Variants in ICE2 observed in about 807,000 individuals in gnomAD.
The protein encoded by ICE2 is interactor of little elongation complex ELL subunit 2.
ICE2 carries 87 observed loss-of-function variants against 105.4 expected under a neutral mutation model. The ratio of observed to expected loss-of-function variants is 0.83; its 90% CI spans 0.69 to 0.99. ICE2 has a LOEUF of 0.99. Among genes scored for constraint, ICE2 ranks in the 50% least tolerant of loss-of-function variants. ICE2 has a pLI of 0.00. For synonymous variants in ICE2, 399 were observed against 392.0 expected, an observed-to-expected ratio of 1.02 and a Z score of -0.21; for missense variants, 1,323 against 1,146.7, an observed-to-expected ratio of 1.15 and a Z score of -2.22.
intron 1 of ICE2, chr15:60,478,759 G>A (rs867697144): frequency 1.3e-4 from 47 of 353,504 alleles, no homozygotes; most frequent in South Asian, 9.5e-4. Context: ...GAGCTGGGGG[G>A]GAATAGTCGA....
chr15:60,463,349 TTAATA>T (rs1298555165), intron 5 of ICE2, among the ~76,000 whole-genome samples: 1 of 152,148 alleles, frequency 6.6e-6, no homozygotes, highest in East Asian at 1.9e-4. Context: ...TTGTAATTTA[TTAATA>T]TAATGGAAAA....
At position 60,428,668 on chromosome 15, in the gene ICE2, A is replaced by C; in HGVS notation, c.2581T>G (p.Leu861Val). The C allele has an allele frequency of 6.2e-7, 1 of 1,613,938 alleles. No homozygotes were observed. The highest frequency in any genetic ancestry group is 1.7e-4 in the Middle Eastern group (1 of 6,060). The change falls in exon 15 of 16, where the codon TTG becomes GTG. Residue 861 changes from leucine to valine, a missense_variant. Coordinates refer to ENST00000261520, the MANE Select transcript of ICE2 (RefSeq NM_024611.6). The part of the protein sequence containing the change: ...KLSSLQEGSY[L>V]LSHAAEDSSL... ...GAATCTTCTGCTGCATGAGATAACA[A>C]GTAGGAACCCTCCTGCAAGCTAAAT... is the stretch of plus-strand genomic sequence containing the variant.
intron 11 of ICE2, 137 bp from the exon 12 acceptor site, chr15:60,442,682 A>C: frequency 1.6e-6 from 1 of 641,588 alleles, no homozygotes; most frequent in Non-Finnish European, 2.6e-6. Flanking sequence ...AGCAGGATTC[A>C]CACTGTAAGA....
intron 5 of ICE2, among the ~76,000 whole-genome samples, chr15:60,465,762 T>C (rs2064407427): frequency 6.7e-6 from 1 of 150,138 alleles, no homozygotes; most frequent in Non-Finnish European, 1.5e-5. Flanking sequence ...TTTTTTTTTT[T>C]TTTTTTGAGA....
chr15:60,452,104 T>C (rs2063980487), intron 9 of ICE2: 2 of 985,344 alleles, frequency 2.0e-6, no homozygotes, highest in Non-Finnish European at 2.4e-6. Flanking sequence ...TTCTTCTTGT[T>C]ACTGCCTGAC....
At chr15:60,445,607 T>C (rs1314286133) in intron 11 of ICE2, 1 of 971,606 alleles carries the variant, frequency 1.0e-6, no homozygotes, top group Non-Finnish European at 1.2e-6. Context: ...TTGACATATT[T>C]TGATGAAGAA....
chr15:60,433,236 C>T (rs1342575584), intron 13 of ICE2, among the ~76,000 whole-genome samples: 4 of 151,638 alleles, frequency 2.6e-5, no homozygotes, highest in Non-Finnish European at 5.9e-5. Flanking sequence ...TACAGGTGCC[C>T]GCCACCACGC....
Position 60,449,239 on chromosome 15 carries a change from C to G in ICE2, c.1728G>C (p.Glu576Asp). 1.2e-6 allele frequency: 2 copies of G among 1,613,930 alleles called. No homozygotes were observed. Among genetic ancestry groups the G allele is most frequent in the Non-Finnish European group, 1.7e-6 (2 of 1,180,012 alleles). ...TVLCSSDTDEECLIIDTECKN... is the reference protein window; with the variant it reads ...TVLCSSDTDEDCLIIDTECKN... ...TACATTCTGTATCAATGATTAAACA[C>G]TCCTCATCTGTATCACTGCTGCAGA... is the stretch of plus-strand genomic sequence containing the variant. The change falls in exon 10 of 16, where the codon GAG (glutamate) becomes GAC (aspartate). Residue 576 changes from glutamate to aspartate, a missense_variant. Glu to Asp is a conservative substitution (Grantham distance 45). Coordinates refer to ENST00000261520, the MANE Select transcript of ICE2 (RefSeq NM_024611.6).
intron 14 of ICE2, among the ~76,000 whole-genome samples, chr15:60,429,389 C>G (rs1479791231): frequency 6.6e-6 from 1 of 152,120 alleles, no homozygotes; most frequent in African/African-American, 2.4e-5. Flanking sequence ...TAGATATAAA[C>G]CCAGGCATTT....
chr15:60,426,689 C>T (rs1330137830), intron 15 of ICE2, among the ~76,000 whole-genome samples: 2 of 152,166 alleles, frequency 1.3e-5, no homozygotes, highest in Non-Finnish European at 2.9e-5. Context: ...ACACCTTGCA[C>T]ACACATAATA....
chr15:60,456,750 T>G lies in ICE2; in HGVS notation c.573A>C (p.Glu191Asp). 1 of 1,543,024 alleles carries G rather than the reference T, an allele frequency of 6.5e-7. No individual in the cohort carries two copies. Among genetic ancestry groups the G allele is most frequent in the Non-Finnish European group, 8.7e-7 (1 of 1,145,326 alleles). ...ACIEQVKKYS[E>D]FYTLHEVTSL... is the part of the protein sequence containing the mutation. ...TGGTGACCTCGTGGAGAGTATAGAA[T>G]TCTGAATACTTTTTCACTTGTTCAA... Residue 191 changes from glutamate to aspartate, a missense_variant, in exon 6 of 16, where the codon GAA becomes GAC. Physicochemically the swap from Glu to Asp is conservative, Grantham distance 45. Transcript: ENST00000261520.
chr15:60,453,646 G>A lies in ICE2; in HGVS notation c.1082C>T (p.Ala361Val). The change falls in exon 9 of 16, where the codon GCA becomes GTA. Residue 361 changes from alanine (A) to valine (V), a missense_variant. Coordinates refer to ENST00000261520, the MANE Select transcript of ICE2 (RefSeq NM_024611.6). ...CTCTTCAGGTTTGTCCATAAAGACTGCAGAGACTGGAACAGATGTGTTTTT... is the reference window on the plus strand; with the variant it reads ...CTCTTCAGGTTTGTCCATAAAGACTACAGAGACTGGAACAGATGTGTTTTT... The part of the protein sequence containing the change: ...MSKNTSVPVS[A>V]VFMDKPEEFI... 6.2e-7 allele frequency: 1 copy of A among 1,613,460 alleles called. No individual in the cohort carries two copies. Among genetic ancestry groups the A allele is most frequent in the Non-Finnish European group, 8.5e-7 (1 of 1,179,496 alleles).
At chr15:60,461,587 A>C (rs914022853) in intron 5 of ICE2, among the ~76,000 whole-genome samples, 3 of 152,250 alleles carry the variant, frequency 2.0e-5, no homozygotes, top group Non-Finnish European at 4.4e-5. Flanking sequence ...TGAGAAGAGC[A>C]TAAGAAAAAT....
chr15:60,467,164 T>C (rs1051424930), intron 4 of ICE2, among the ~76,000 whole-genome samples: 6 of 152,162 alleles, frequency 3.9e-5, no homozygotes, highest in African/African-American at 1.2e-4. Context: ...GGTTTCGCCA[T>C]GTTGGCCAAG....
intron 5 of ICE2, among the ~76,000 whole-genome samples, chr15:60,460,634 T>G (rs1413438469): frequency 1.3e-5 from 2 of 152,212 alleles, no homozygotes; most frequent in East Asian, 3.9e-4. Flanking sequence ...TAATTCTTTG[T>G]AGTGTTAGGC....
intron 14 of ICE2, among the ~76,000 whole-genome samples, chr15:60,429,110 T>C (rs931235579): frequency 2.6e-5 from 4 of 152,224 alleles, no homozygotes; most frequent in Non-Finnish European, 4.4e-5. Context: ...GTGAAGGTGA[T>C]ATGTTTGCTA....
intron 9 of ICE2, chr15:60,452,809 GAC>G (rs2063997203): frequency 1.0e-6 from 1 of 955,874 alleles, no homozygotes; most frequent in South Asian, 4.8e-5. Context: ...AAGCAAACTA[GAC>G]ACAGAGATAT....
chr15:60,442,336 A>G (rs979468209), intron 12 of ICE2, 80 bp downstream of exon 12: 2 of 1,282,168 alleles, frequency 1.6e-6, no homozygotes, highest in Non-Finnish European at 1.1e-6. Flanking sequence ...AGGGCAGAAT[A>G]GAAGTATTCA....
chr15:60,451,950 C>A, intron 9 of ICE2: 1 of 388,196 alleles, frequency 2.6e-6, no homozygotes, highest in African/African-American at 2.2e-5. Context: ...ATCTTGTTAG[C>A]TTTTTGATAC....
Sources: gnomAD v4.1 joint callset for allele counts (sites outside exome capture counted in the v4.1 genomes callset) on GRCh38, gnomAD v4.1.1 for gene constraint, MANE v1.5 for transcripts, NCBI Gene and HGNC (gene_info 2026-07-23, HGNC 2026-07-21) for gene names.